TMEM45A: variants seen among roughly 807,000 people sequenced by gnomAD.
The protein encoded by TMEM45A is transmembrane protein 45A.
A neutral mutation model predicts 32.0 loss-of-function variants in TMEM45A; 25 were observed. The observed-to-expected ratio is 0.78, with a 90% confidence interval of 0.57 to 1.09. TMEM45A has a LOEUF of 1.09. Among genes scored for constraint, TMEM45A ranks in the 50% least tolerant of loss-of-function variants. TMEM45A has a pLI of 0.00. For synonymous variants in TMEM45A, 122 were observed against 114.8 expected (o/e 1.06, Z -0.40); for missense variants, 302 against 325.0 (o/e 0.93, Z 0.54).
chr3:100,558,789 G>A lies in TMEM45A; in HGVS notation c.588+200G>A, dbSNP rs570849026. Reference sequence around the variant, plus strand: ...TGTCAGAGCAGCTGGGAAGTGGTGCGTGCACATCTTCATCACACCTGGACA... The same window carrying A: ...TGTCAGAGCAGCTGGGAAGTGGTGCATGCACATCTTCATCACACCTGGACA... On this transcript the variant is annotated intron_variant, in intron 4 of 5. Transcript: ENST00000323523. Among the ~76,000 whole-genome samples, 9 of 152,242 alleles carry A rather than the reference G, an allele frequency of 5.9e-5. No homozygotes were observed. The South Asian group carries it at 6.2e-4, about 11-fold the overall frequency.
At chr3:100,548,627 G>A (rs1461248331) in intron 1 of TMEM45A, among the ~76,000 whole-genome samples, 2 of 152,176 alleles carry the variant, frequency 1.3e-5, no homozygotes, top group Non-Finnish European at 2.9e-5. Flanking sequence ...ACACATGCCA[G>A]TCATCTTAAC....
intron 1 of TMEM45A, among the ~76,000 whole-genome samples, chr3:100,513,209 C>G (rs924978791): frequency 3.3e-5 from 5 of 151,108 alleles, no homozygotes; most frequent in South Asian, 2.1e-4. Flanking sequence ...TGATGAACAT[C>G]GATGCAAAAA....
intron 1 of TMEM45A, among the ~76,000 whole-genome samples, chr3:100,550,013 A>G (rs1706060006): frequency 7.7e-6 from 1 of 129,770 alleles, no homozygotes; most frequent in South Asian, 2.4e-4. Flanking sequence ...ATTGTGAATA[A>G]TGCCACAATA....
At chr3:100,494,419 C>T (rs757762874) in intron 1 of TMEM45A, among the ~76,000 whole-genome samples, 4 of 152,168 alleles carry the variant, frequency 2.6e-5, no homozygotes, top group Middle Eastern at 3.4e-3. Context: ...GTCAGGAGAT[C>T]GAAACCATCC....
intron 1 of TMEM45A, among the ~76,000 whole-genome samples, chr3:100,514,471 T>C (rs368480955): frequency 1.3e-5 from 2 of 151,852 alleles, no homozygotes; most frequent in South Asian, 2.1e-4. Flanking sequence ...ATACAAAAAT[T>C]AATTCAAGAT....
At chr3:100,548,570 A>C (rs1171352725) in intron 1 of TMEM45A, among the ~76,000 whole-genome samples, 1 of 152,030 alleles carries the variant, frequency 6.6e-6, no homozygotes, top group Admixed American at 6.6e-5. Context: ...CTTTAGAACG[A>C]TCTCCTCCAT....
chr3:100,505,712 C>T (rs1559633819), intron 1 of TMEM45A, among the ~76,000 whole-genome samples: 1 of 152,064 alleles, frequency 6.6e-6, no homozygotes, highest in Non-Finnish European at 1.5e-5. Flanking sequence ...CTGACACAAC[C>T]AAAAATGTCA....
chr3:100,567,312 C>T (rs1468876139), intron 4 of TMEM45A, among the ~76,000 whole-genome samples: 1 of 151,800 alleles, frequency 6.6e-6, no homozygotes, highest in Non-Finnish European at 1.5e-5. Flanking sequence ...AACCAATTGA[C>T]CTCAGACATA....
rs146151549 is a variant in TMEM45A at position 100,539,602 on chromosome 3, A to G, written c.-3-15607A>G. On this transcript the variant is annotated intron_variant, in intron 1 of 5. Coordinates refer to ENST00000323523, the MANE Select transcript of TMEM45A (RefSeq NM_018004.3). ...CCTGATAACTGGAAGGCCTGCTGGT[A>G]TAAGCCTCAGTGTCCAAAGCCCTGA... Among the ~76,000 whole-genome samples the G allele has an allele frequency of 7.9e-3, 1,209 of 152,184 alleles. 14 individuals carry two copies. The highest frequency in any genetic ancestry group is 0.058 in the Middle Eastern group (17 of 294).
chr3:100,523,270 C>T (rs1164058417), intron 1 of TMEM45A, among the ~76,000 whole-genome samples: 1 of 152,202 alleles, frequency 6.6e-6, no homozygotes, highest in Non-Finnish European at 1.5e-5. Context: ...GGGTGGAATT[C>T]AGCTACTGCA....
chr3:100,554,916 A>T (rs1306590258), intron 1 of TMEM45A, among the ~76,000 whole-genome samples: 1 of 152,260 alleles, frequency 6.6e-6, no homozygotes, highest in Non-Finnish European at 1.5e-5. Context: ...ACAGTGCTTC[A>T]TTCATGGGTA....
chr3:100,576,879 C>A, intron 5 of TMEM45A, 46 bp from the exon 6 acceptor site: 1 of 1,447,308 alleles, frequency 6.9e-7, no homozygotes, highest in Non-Finnish European at 9.7e-7. Context: ...CTCTGGGTTT[C>A]TATTTTAAAA....
rs1458091113 is a variant in TMEM45A, at chr3:100,573,975, T to C, written c.735-2950T>C. On this transcript the variant is annotated intron_variant, in intron 5 of 5. Coordinates refer to ENST00000323523, the MANE Select transcript of TMEM45A (RefSeq NM_018004.3). ...CACTTGATCATGGTGGATAAGCTTT[T>C]TGATGTGCTGCTGGATTCGGTTTGC... 3 of 152,312 alleles carry C rather than the reference T, an allele frequency of 2.0e-5. No individual in the cohort carries two copies. The East Asian group carries it at 5.8e-4, about 29-fold the overall frequency. 9.4% of individuals were successfully genotyped at this position (152,312 alleles called of 1,614,324 possible). A position where few individuals can be genotyped will look rare whatever the true frequency, so the allele number is the denominator to read the frequency against.
chr3:100,519,874 T>C (rs1470259780), intron 1 of TMEM45A, among the ~76,000 whole-genome samples: 1 of 152,224 alleles, frequency 6.6e-6, no homozygotes, highest in Non-Finnish European at 1.5e-5. Flanking sequence ...GTGCCTTAAA[T>C]GCTTCTCTTG....
At chr3:100,519,386 CA>C (rs1705385691) in intron 1 of TMEM45A, 1 of 502,054 alleles carries the variant, frequency 2.0e-6, no homozygotes. Flanking sequence ...TGTGTGTGTG[CA>C]TGTGTGTGTG....
chr3:100,576,543 C>T (rs1436270212), intron 5 of TMEM45A, among the ~76,000 whole-genome samples: 1 of 151,958 alleles, frequency 6.6e-6, no homozygotes, highest in Non-Finnish European at 1.5e-5. Flanking sequence ...TTGCTTGAAC[C>T]TGGGAGGTGG....
chr3:100,528,942 T>A (rs184526658), intron 1 of TMEM45A, among the ~76,000 whole-genome samples: 4 of 152,208 alleles, frequency 2.6e-5, no homozygotes, highest in Non-Finnish European at 5.9e-5. Context: ...GACTTTCATA[T>A]GAGGCCTTAA....
At chr3:100,567,824 G>A (rs1038124676) in intron 4 of TMEM45A, among the ~76,000 whole-genome samples, 4 of 151,820 alleles carry the variant, frequency 2.6e-5, no homozygotes, top group South Asian at 2.1e-4. Context: ...TTGCTCTGTC[G>A]CCCAGGCTGG....
chr3:100,493,120 C>CATTTTTTTTTTTTTT (rs1559630375), intron 1 of TMEM45A, among the ~76,000 whole-genome samples, 192 bp downstream of exon 1: 1 of 115,918 alleles, frequency 8.6e-6, no homozygotes. Flanking sequence ...GTTTGCTATT[C>CATTTTTTTTTTTTTT]TTTTTTTTTT....
Sources: allele counts gnomAD v4.1 joint callset (sites outside exome capture counted in the v4.1 genomes callset), GRCh38; gene constraint gnomAD v4.1.1; transcripts MANE v1.5; gene names NCBI Gene and HGNC (gene_info 2026-07-23, HGNC 2026-07-21).